CCDC122: variants seen among roughly 807,000 people sequenced by gnomAD.
The protein encoded by CCDC122 is coiled-coil domain-containing protein 122.
Under a neutral mutation model 37.0 loss-of-function variants are expected in CCDC122, and 38 were observed. The ratio of observed to expected loss-of-function variants is 1.03; its 90% CI spans 0.79 to 1.35. The LOEUF is 1.35. CCDC122 is among the 40% of genes most tolerant of loss of function. CCDC122 has a pLI of 0.00. For synonymous variants in CCDC122, 83 were observed against 95.6 expected (o/e 0.87, Z 0.77); for missense variants, 305 against 310.0 (o/e 0.98, Z 0.12).
chr13:43,826,232 A>G (rs1953039687), intron 3 of CCDC122, among the ~76,000 whole-genome samples: 1 of 152,160 alleles, frequency 6.6e-6, no homozygotes, highest in Non-Finnish European at 1.5e-5. Flanking sequence ...TGCTCACCAT[A>G]TTAAATAGTG....
In CCDC122 at chr13:43,836,407, T is replaced by G. The variant is rs1479441416; in HGVS notation, c.*873A>C. The G allele has an allele frequency of 2.0e-5, 3 of 152,236 alleles. No homozygotes were observed. Among genetic ancestry groups the G allele is most frequent in the Non-Finnish European group, 2.9e-5 (2 of 68,022 alleles). The allele number at this position is 152,236 out of a possible 1,614,324, so 9.4% of individuals were successfully genotyped here. A position where few individuals can be genotyped will look rare whatever the true frequency, so the allele number is the denominator to read the frequency against. On this transcript the variant is annotated 3_prime_UTR_variant, in exon 7 of 7. Transcript: ENST00000444614. ...ATCGTATCACTCAAAATATGTTATT[T>G]TATAACAAAGAAAAATGATTGTTAC...
intron 3 of CCDC122, among the ~76,000 whole-genome samples, chr13:43,827,128 A>G (rs1213955179): frequency 1.3e-5 from 2 of 152,204 alleles, no homozygotes; most frequent in African/African-American, 4.8e-5. Flanking sequence ...CATGGTTCAA[A>G]GTATTTATAA....
chr13:43,855,447 T>G (rs917448887), intron 6 of CCDC122: 1 of 151,640 alleles, frequency 6.6e-6, no homozygotes, highest in Non-Finnish European at 1.5e-5. Flanking sequence ...AGTAGAACTA[T>G]AAAATACTGC....
chr13:43,868,726 C>G lies in CCDC122; in HGVS notation c.124G>C (p.Glu42Gln). The G allele has an allele frequency of 1.9e-6, 3 of 1,559,526 alleles. No individual in the cohort carries two copies. The highest frequency in any genetic ancestry group is 2.6e-6 in the Non-Finnish European group (3 of 1,152,900). ...KQQQSQASEI[E>Q]KNKKVLFNLK... ...TTGAACAGAACCTTTTTGTTTTTTTCTATCTCTGATGCTTGTGATTGTTGT... is the reference window on the plus strand; with the variant it reads ...TTGAACAGAACCTTTTTGTTTTTTTGTATCTCTGATGCTTGTGATTGTTGT... The change falls in exon 4 of 7, where the codon GAA becomes CAA. Residue 42 changes from glutamate to glutamine, a missense_variant. Physicochemically the swap from Glu to Gln is conservative, Grantham distance 29. Transcript: ENST00000444614.
chr13:43,851,958 A>G (rs924408323), intron 6 of CCDC122, among the ~76,000 whole-genome samples: 1 of 152,282 alleles, frequency 6.6e-6, no homozygotes, highest in African/African-American at 2.4e-5. Context: ...AAAAGAAAAA[A>G]AAAACATCCA....
chr13:43,869,245 T>C (rs1449089448), intron 3 of CCDC122, 86 bp downstream of exon 3: 1 of 976,678 alleles, frequency 1.0e-6, no homozygotes, highest in East Asian at 2.4e-5. Context: ...TAATTTGCTA[T>C]CAATTTTAAC....
downstream of CCDC122, among the ~76,000 whole-genome samples, chr13:43,821,195 G>A (rs1429849456): frequency 6.6e-6 from 1 of 152,128 alleles, no homozygotes; most frequent in East Asian, 1.9e-4. Context: ...TTGGACTTGA[G>A]TATTGATATC....
chr13:43,838,493 G>C (rs1953236429), intron 6 of CCDC122, among the ~76,000 whole-genome samples: 1 of 152,112 alleles, frequency 6.6e-6, no homozygotes, highest in Non-Finnish European at 1.5e-5. Flanking sequence ...TTAAAAAACA[G>C]CTTTACAGAA....
downstream of CCDC122, among the ~76,000 whole-genome samples, chr13:43,823,583 T>C (rs911807260): frequency 1.3e-5 from 2 of 152,250 alleles, no homozygotes; most frequent in African/African-American, 2.4e-5. Context: ...AGAGCACTTA[T>C]GGCCCACAGT....
intron 4 of CCDC122, among the ~76,000 whole-genome samples, 194 bp downstream of exon 4, chr13:43,868,500 A>C (rs1158879276): frequency 1.3e-5 from 2 of 152,144 alleles, no homozygotes; most frequent in Non-Finnish European, 2.9e-5. Flanking sequence ...GACATTGTTG[A>C]ATCTTTATAT....
At chr13:43,869,173 T>C (rs935404973) in intron 3 of CCDC122, among the ~76,000 whole-genome samples, 158 bp downstream of exon 3, 1 of 152,052 alleles carries the variant, frequency 6.6e-6, no homozygotes, top group Admixed American at 6.6e-5. Context: ...TTCAGGTTGA[T>C]ATGCCTTTGC....
intron 6 of CCDC122, among the ~76,000 whole-genome samples, chr13:43,842,683 T>C (rs1388879725): frequency 1.3e-5 from 2 of 152,050 alleles, no homozygotes; most frequent in African/African-American, 2.4e-5. Flanking sequence ...TCCATTTATT[T>C]AGTATCTTTA....
At chr13:43,839,863 T>G (rs1298041408) in intron 6 of CCDC122, among the ~76,000 whole-genome samples, 3 of 152,188 alleles carry the variant, frequency 2.0e-5, no homozygotes, top group Non-Finnish European at 4.4e-5. Context: ...ATTCGCAAAC[T>G]GGACAGACCC....
rs1190738861 is a variant in CCDC122, at chr13:43,836,495, T to C, written c.*785A>G. ...AGCATTGAACATACAAAAACATTAT[T>C]ATAAATATCAATATTTATGGGCTAC... is the stretch of plus-strand genomic sequence containing the variant. On this transcript the variant is annotated 3_prime_UTR_variant, in exon 7 of 7. Transcript: ENST00000444614. 6.6e-5 allele frequency: 10 copies of C among 152,220 alleles called. No individual in the cohort carries two copies. Among genetic ancestry groups the C allele is most frequent in the Non-Finnish European group, 1.0e-4 (7 of 68,036 alleles). The allele number at this position is 152,220 out of a possible 1,614,324, so 9.4% of individuals were successfully genotyped here. A position where few individuals can be genotyped will look rare whatever the true frequency, so the allele number is the denominator to read the frequency against.
At chr13:43,854,347 C>G (rs754876251) in intron 6 of CCDC122, 1 of 152,130 alleles carries the variant, frequency 6.6e-6, no homozygotes, top group Non-Finnish European at 1.5e-5. Context: ...ATTATGAACA[C>G]CCCTACACAC....
At chr13:43,826,972 T>A (rs901394942) in intron 3 of CCDC122, among the ~76,000 whole-genome samples, 10 of 152,220 alleles carry the variant, frequency 6.6e-5, no homozygotes, top group African/African-American at 2.4e-4. Flanking sequence ...AGAACTGTTA[T>A]GATTTCCATT....
intron 1 of CCDC122, among the ~76,000 whole-genome samples, chr13:43,878,857 G>C (rs1052726249): frequency 2.0e-5 from 3 of 152,214 alleles, no homozygotes; most frequent in African/African-American, 7.2e-5. Flanking sequence ...GCGCTCGGAA[G>C]AGTGTTGGTC....
intron 1 of CCDC122, among the ~76,000 whole-genome samples, chr13:43,876,416 G>C (rs1954612673): frequency 6.6e-6 from 1 of 152,140 alleles, no homozygotes; most frequent in Non-Finnish European, 1.5e-5. Flanking sequence ...TCCCTTAATA[G>C]CCAGGCACTA....
intron 1 of CCDC122, among the ~76,000 whole-genome samples, chr13:43,875,814 A>G (rs982214055): frequency 3.3e-5 from 5 of 152,192 alleles, no homozygotes; most frequent in Admixed American, 2.0e-4. Flanking sequence ...GAGAGCCTCT[A>G]ATCAGGGCAT....
Sources: gnomAD v4.1 joint callset for allele counts (sites outside exome capture counted in the v4.1 genomes callset) on GRCh38, gnomAD v4.1.1 for gene constraint, MANE v1.5 for transcripts, NCBI Gene and HGNC (gene_info 2026-07-23, HGNC 2026-07-21) for gene names.